Variants in PCDH15 observed in about 807,000 individuals in gnomAD.
PCDH15 encodes the protein protocadherin-15.
A neutral mutation model predicts 178.5 loss-of-function variants in PCDH15; 129 were observed. The ratio of observed to expected loss-of-function variants is 0.72; its 90% CI spans 0.63 to 0.84. The LOEUF is 0.84. Among genes scored for constraint, PCDH15 ranks in the 40% least tolerant of loss-of-function variants. PCDH15 has a pLI of 0.00. For missense variants in PCDH15, 2,230 were observed against 2,099.9 expected (o/e 1.06, Z -1.21); for synonymous variants, 800 against 732.0 (o/e 1.09, Z -1.50).
Position 54,090,060 on chromosome 10 carries a change from T to G in PCDH15, c.1921A>C (p.Thr641Pro). The change falls in exon 16 of 38, where the codon ACT becomes CCT. Residue 641 changes from threonine (T) to proline (P), a missense_variant. Coordinates refer to ENST00000644397, the MANE Select transcript of PCDH15 (RefSeq NM_001384140.1). ...GTTATTGAGTCTCCCTCTCGATCAGTTGCCTTCAGAGAGAAAACATAATTC... is the reference window on the plus strand; with the variant it reads ...GTTATTGAGTCTCCCTCTCGATCAGGTGCCTTCAGAGAGAAAACATAATTC... ...VGAVLLNLQA[T>P]DREGDSITYA... 2 of 1,609,228 alleles carry G rather than the reference T, an allele frequency of 1.2e-6. No homozygotes were observed. The highest frequency in any genetic ancestry group is 1.7e-6 in the Non-Finnish European group (2 of 1,176,030).
At chr10:54,146,040 C>T (rs1005016200) in intron 14 of PCDH15, among the ~76,000 whole-genome samples, 4 of 151,924 alleles carry the variant, frequency 2.6e-5, no homozygotes, top group African/African-American at 9.7e-5. Flanking sequence ...GCAGAGATCT[C>T]ATTTTACTTG....
At chr10:54,085,585 A>G (rs11004058) in intron 16 of PCDH15, among the ~76,000 whole-genome samples, 34,523 of 152,018 alleles carry the variant, frequency 0.23, 4,022 homozygotes, top group Non-Finnish European at 0.25. Flanking sequence ...AAAAGATACT[A>G]GAAAAATGCA....
At chr10:54,625,518 T>C (rs11004417) in intron 2 of PCDH15, among the ~76,000 whole-genome samples, 2,457 of 152,056 alleles carry the variant, frequency 0.016, 38 homozygotes, top group East Asian at 0.061. Context: ...GGTGAATGGG[T>C]CTCCTGAGAT....
At chr10:55,322,913 T>C (rs994710370), upstream of PCDH15, among the ~76,000 whole-genome samples, 4 of 152,118 alleles carry the variant, frequency 2.6e-5, no homozygotes, top group Non-Finnish European at 5.9e-5. Context: ...GTCAGAGACC[T>C]TCAAGGCAGC....
At chr10:53,808,731 C>T (rs756591693) in intron 37 of PCDH15, 31 of 1,612,976 alleles carry the variant, frequency 1.9e-5, no homozygotes, top group South Asian at 9.9e-5. Flanking sequence ...TTGCTCCTGG[C>T]GACTTCTTTT....
At chr10:53,808,897 G>A in intron 37 of PCDH15, 2 of 1,587,862 alleles carry the variant, frequency 1.3e-6, no homozygotes, top group Non-Finnish European at 1.7e-6. Flanking sequence ...GCCCTCTTCA[G>A]GGATATCTTG....
At chr10:54,757,602 G>A (rs916462820) in intron 1 of PCDH15, among the ~76,000 whole-genome samples, 1 of 152,054 alleles carries the variant, frequency 6.6e-6, no homozygotes, top group Non-Finnish European at 1.5e-5. Flanking sequence ...CTTAAAAATT[G>A]GCTTTCCTTT....
intron 2 of PCDH15, among the ~76,000 whole-genome samples, chr10:55,557,568 T>C (rs1029931905): frequency 1.3e-5 from 2 of 152,140 alleles, no homozygotes; most frequent in Admixed American, 1.3e-4. Context: ...CTCATTATCT[T>C]ACTATGGCTT....
chr10:54,679,106 C>T (rs2094848936), intron 1 of PCDH15, among the ~76,000 whole-genome samples: 4 of 144,894 alleles, frequency 2.8e-5, no homozygotes, highest in Admixed American at 1.4e-4. Context: ...AGGAGAATGG[C>T]GTGAACCCAG....
chr10:54,892,497 G>T (rs2131817291), intron 3 of PCDH15, among the ~76,000 whole-genome samples: 1 of 151,226 alleles, frequency 6.6e-6, no homozygotes, highest in African/African-American at 2.4e-5. Context: ...CAAATCAAAA[G>T]AAAAGAGTAA....
chr10:55,124,339 G>T (rs373876643), intron 2 of PCDH15, among the ~76,000 whole-genome samples: 2 of 152,024 alleles, frequency 1.3e-5, no homozygotes. Flanking sequence ...CTATTTGCTG[G>T]TTATATATGG....
intron 1 of PCDH15, among the ~76,000 whole-genome samples, chr10:54,735,297 G>A (rs2132711526): frequency 6.6e-6 from 1 of 152,154 alleles, no homozygotes; most frequent in African/African-American, 2.4e-5. Context: ...TATTTTCTGT[G>A]TCAGTCAGAA....
At chr10:54,041,723 T>C (rs1437671604) in intron 18 of PCDH15, among the ~76,000 whole-genome samples, 1 of 152,044 alleles carries the variant, frequency 6.6e-6, no homozygotes, top group Non-Finnish European at 1.5e-5. Context: ...TAAATATAGG[T>C]ACTTAAATCC....
intron 1 of PCDH15, among the ~76,000 whole-genome samples, chr10:54,739,525 TC>T (rs1348632282): frequency 6.8e-6 from 1 of 147,598 alleles, no homozygotes; most frequent in East Asian, 2.0e-4. Flanking sequence ...TTCAATACTA[TC>T]CCTATCAACA....
chr10:54,369,043 A>T, intron 5 of PCDH15, 77 bp downstream of exon 5: 1 of 1,489,858 alleles, frequency 6.7e-7, no homozygotes, highest in Non-Finnish European at 9.3e-7. Flanking sequence ...TAAAGGAATC[A>T]TTTATAAACA....
At chr10:55,084,742 A>C (rs773601434) in intron 2 of PCDH15, among the ~76,000 whole-genome samples, 1 of 152,006 alleles carries the variant, frequency 6.6e-6, no homozygotes, top group African/African-American at 2.4e-5. Flanking sequence ...AAAATCTAAC[A>C]ATCTGATTAA....
intron 2 of PCDH15, among the ~76,000 whole-genome samples, chr10:55,527,134 G>T (rs1056550271): frequency 6.6e-6 from 1 of 152,084 alleles, no homozygotes; most frequent in East Asian, 1.9e-4. Context: ...AGAAAGAATG[G>T]GTTAATTTTA....
intron 13 of PCDH15, among the ~76,000 whole-genome samples, chr10:54,182,994 T>TG (rs201095228): frequency 1.1e-3 from 166 of 152,046 alleles, no homozygotes; most frequent in African/African-American, 3.7e-3. Flanking sequence ...TTTTTGTTTT[T>TG]TTTTGAGATG....
At chr10:54,391,785 C>A (rs73249934) in intron 3 of PCDH15, among the ~76,000 whole-genome samples, 1 of 152,126 alleles carries the variant, frequency 6.6e-6, no homozygotes, top group Non-Finnish European at 1.5e-5. Flanking sequence ...CCTTCTGATG[C>A]AATCCATGCA....
Sources: gnomAD v4.1 joint callset for allele counts (sites outside exome capture counted in the v4.1 genomes callset) on GRCh38, gnomAD v4.1.1 for gene constraint, MANE v1.5 for transcripts, NCBI Gene and HGNC (gene_info 2026-07-23, HGNC 2026-07-21) for gene names.